DACH2: variants seen among roughly 807,000 people sequenced by gnomAD.
DACH2 encodes dachshund family transcription factor 2.
DACH2 carries 17 observed loss-of-function variants against 35.8 expected under a neutral mutation model. That is an observed-to-expected ratio of 0.48 (90% CI 0.33 to 0.71). The LOEUF is 0.71. DACH2 is among the 30% of genes least tolerant of loss of function. The pLI is 0.02. For synonymous variants in DACH2, 195 were observed against 177.3 expected (o/e 1.10, Z -0.79); for missense variants, 469 against 472.7 (o/e 0.99, Z 0.07).
chrX:86,601,474 T>C (rs187042726), intron 3 of DACH2, among the ~76,000 whole-genome samples: 59 of 111,601 alleles, frequency 5.3e-4, no homozygotes, highest in African/African-American at 1.9e-3. Flanking sequence ...CTGAAATAGC[T>C]TTTGTTGATG....
chrX:86,696,582 T>C (rs1317632405), intron 5 of DACH2, among the ~76,000 whole-genome samples: 1 of 111,797 alleles, frequency 8.9e-6, no homozygotes, highest in African/African-American at 3.2e-5. Context: ...ATCTAACTTA[T>C]TAAAGCCATC....
chrX:86,508,621 C>T (rs1020902637), intron 2 of DACH2, among the ~76,000 whole-genome samples: 4 of 110,893 alleles, frequency 3.6e-5, no homozygotes, highest in African/African-American at 1.3e-4. Flanking sequence ...AGGAATTACA[C>T]AAGCAGAAAG....
chrX:86,624,333 A>T (rs1254913968), intron 3 of DACH2, among the ~76,000 whole-genome samples: 1 of 111,902 alleles, frequency 8.9e-6, no homozygotes, highest in African/African-American at 3.2e-5. Context: ...TTGCTTTTTT[A>T]AAAAATGTGT....
chrX:86,414,707 G>A (rs2036672201), intron 2 of DACH2, among the ~76,000 whole-genome samples: 1 of 111,412 alleles, frequency 9.0e-6, no homozygotes, highest in Non-Finnish European at 1.9e-5. Flanking sequence ...AACCAAGCGA[G>A]ATCAGGCATT....
intron 7 of DACH2, among the ~76,000 whole-genome samples, chrX:86,747,660 C>T (rs1280944814): frequency 3.6e-5 from 4 of 111,645 alleles, no homozygotes; most frequent in Admixed American, 9.6e-5. Context: ...AAGCCTTCGC[C>T]GAGTCATAAT....
intron 2 of DACH2, among the ~76,000 whole-genome samples, chrX:86,482,264 A>T (rs2037948450): frequency 8.9e-6 from 1 of 112,341 alleles, no homozygotes; most frequent in Non-Finnish European, 1.9e-5. Context: ...TAACCCATAA[A>T]TTTATGCAAT....
chrX:86,222,890 A>G (rs1169104187), intron 1 of DACH2, among the ~76,000 whole-genome samples: 1 of 110,988 alleles, frequency 9.0e-6, no homozygotes, highest in Non-Finnish European at 1.9e-5. Flanking sequence ...AGGGAGTACA[A>G]TTAGTAAGGG....
chrX:86,748,975 A>C (rs2041743037), intron 7 of DACH2, among the ~76,000 whole-genome samples: 1 of 111,890 alleles, frequency 8.9e-6, no homozygotes. Flanking sequence ...TATGTTAAGG[A>C]GATTGTTCCT....
At chrX:86,632,471 A>G (rs749512277) in intron 3 of DACH2, among the ~76,000 whole-genome samples, 6 of 103,761 alleles carry the variant, frequency 5.8e-5, no homozygotes, top group Non-Finnish European at 1.2e-4. Flanking sequence ...ATACATGCCA[A>G]CAATTATAAC....
intron 5 of DACH2, among the ~76,000 whole-genome samples, chrX:86,709,393 C>T (rs1475381979): frequency 8.9e-6 from 1 of 111,735 alleles, no homozygotes; most frequent in Non-Finnish European, 1.9e-5. Context: ...ATCTGCCCTT[C>T]ACAAAAATTA....
intron 3 of DACH2, among the ~76,000 whole-genome samples, chrX:86,562,045 A>G (rs1228970861): frequency 9.1e-6 from 1 of 110,045 alleles, no homozygotes; most frequent in Non-Finnish European, 1.9e-5. Flanking sequence ...TGTTATAAAA[A>G]TGAATTTATA....
rs755138068 is a variant in DACH2 at position 86,376,813 on chromosome X, TC to T, written c.489-10del. 1 of 1,077,068 alleles carries T rather than the reference TC, an allele frequency of 9.3e-7. No individual in the cohort carries two copies. The highest frequency in any genetic ancestry group is 1.9e-5 in the African/African-American group (1 of 53,755). 88.8% of individuals were successfully genotyped at this position (1,077,068 alleles called of 1,213,427 possible). A position where few individuals can be genotyped will look rare whatever the true frequency, so the allele number is the denominator to read the frequency against. On this transcript the variant is annotated splice_polypyrimidine_tract_variant and intron_variant, in intron 1 of 11. Transcript: ENST00000373125. ...TTTATTTATTTATTTTCTGCTACAC[TC>T]TCCTTTTAGAAGGAAGAGGCAAATG...
chrX:86,175,719 T>A (rs1409173577), intron 1 of DACH2, among the ~76,000 whole-genome samples: 3 of 111,057 alleles, frequency 2.7e-5, no homozygotes, highest in Non-Finnish European at 3.8e-5. Context: ...AGAAGCAAGA[T>A]TAGTGCATCT....
At position 86,369,831 on chromosome X, in the gene DACH2, G is replaced by C. The variant is rs2035860015; in HGVS notation, c.489-6993G>C. The stretch of plus-strand genomic sequence containing the variant: ...GATAAACTTTGGCTACTCAGAGAAA[G>C]TTTACTCAGATTCTAGAACACCATG... On this transcript the variant is annotated intron_variant, in intron 1 of 11. Transcript: ENST00000373125. 2.7e-5 allele frequency among the ~76,000 whole-genome samples: 3 copies of C among 111,554 alleles called. No individual in the cohort carries two copies. In the South Asian group the frequency reaches 1.1e-3, roughly 41 times the overall value.
chrX:86,663,669 T>C (rs2040632914), intron 4 of DACH2, among the ~76,000 whole-genome samples: 1 of 112,050 alleles, frequency 8.9e-6, no homozygotes, highest in Non-Finnish European at 1.9e-5. Context: ...ACGGTATTTC[T>C]AAATCTTATT....
At chrX:86,736,583 G>T (rs1293126676) in intron 6 of DACH2, among the ~76,000 whole-genome samples, 1 of 111,009 alleles carries the variant, frequency 9.0e-6, no homozygotes, top group Non-Finnish European at 1.9e-5. Context: ...TTTTATAGGT[G>T]CTCTTATGAT....
chrX:86,672,186 CAA>C (rs2040772640), intron 4 of DACH2, among the ~76,000 whole-genome samples: 1 of 111,812 alleles, frequency 8.9e-6, no homozygotes, highest in South Asian at 3.7e-4. Flanking sequence ...TATGTGTGAG[CAA>C]AGACACAATC....
intron 2 of DACH2, among the ~76,000 whole-genome samples, chrX:86,509,318 T>A (rs777154008): frequency 8.9e-6 from 1 of 112,112 alleles, no homozygotes; most frequent in Non-Finnish European, 1.9e-5. Context: ...CAAGAGCTGA[T>A]TGATGCCCAG....
intron 5 of DACH2, among the ~76,000 whole-genome samples, chrX:86,703,511 C>T (rs897217120): frequency 3.6e-5 from 4 of 111,163 alleles, no homozygotes; most frequent in Non-Finnish European, 5.7e-5. Flanking sequence ...TGATTGTATA[C>T]GTAGAAAACC....
Sources: allele counts gnomAD v4.1 joint callset (sites outside exome capture counted in the v4.1 genomes callset), GRCh38; gene constraint gnomAD v4.1.1; transcripts MANE v1.5; gene names NCBI Gene and HGNC (gene_info 2026-07-23, HGNC 2026-07-21).